The following SEPTIN9 variants were observed in gnomAD, a reference collection of about 807,000 sequenced individuals.
SEPTIN9 encodes the protein septin 9.
A neutral mutation model predicts 56.6 loss-of-function variants in SEPTIN9; 13 were observed. The observed-to-expected ratio is 0.23, with a 90% CI of 0.15 to 0.37. The LOEUF is 0.37. Among genes scored for constraint, SEPTIN9 ranks in the 10% least tolerant of loss-of-function variants. The pLI is 1.00. For synonymous variants in SEPTIN9, 332 were observed against 334.1 expected, an observed-to-expected ratio of 0.99 and a Z score of 0.07; for missense variants, 650 against 823.1, an observed-to-expected ratio of 0.79 and a Z score of 2.57.
At position 77,475,890 on chromosome 17, in the gene SEPTIN9, C is replaced by T; in HGVS notation, c.722-6254C>T. On this transcript the variant is annotated intron_variant, in intron 3 of 11. Coordinates refer to ENST00000427177, the MANE Select transcript of SEPTIN9 (RefSeq NM_001113491.2). The surrounding 1 kb of genome is among the most constrained non-coding windows in gnomAD (Gnocchi z 4.6). ...TTGCATTCTGCTTGGCCACCATTGG[C>T]AGTGACAGACAAGGTGTGTGGGGAT... The T allele has an allele frequency of 6.2e-7, 1 of 1,610,918 alleles. No homozygotes were observed. Among genetic ancestry groups the T allele is most frequent in the Non-Finnish European group, 8.5e-7 (1 of 1,177,976 alleles).
At chr17:77,461,491 G>A (rs991815011) in intron 3 of SEPTIN9, among the ~76,000 whole-genome samples, 1 of 152,122 alleles carries the variant, frequency 6.6e-6, no homozygotes. Context: ...GCTGGAGGCT[G>A]GGGACATCCG....
chr17:77,335,520 A>G (rs183069381), intron 2 of SEPTIN9, among the ~76,000 whole-genome samples: 62 of 139,122 alleles, frequency 4.5e-4, no homozygotes, highest in African/African-American at 1.4e-3. Flanking sequence ...ATGTAGTCCT[A>G]TATTAGTATA....
chr17:77,452,247 C>T (rs2038007024), intron 3 of SEPTIN9, among the ~76,000 whole-genome samples: 1 of 152,216 alleles, frequency 6.6e-6, no homozygotes, highest in South Asian at 2.1e-4. Flanking sequence ...ATCTCCCTAA[C>T]GGACCTGCTT....
At chr17:77,455,385 G>C (rs764130270) in intron 3 of SEPTIN9, among the ~76,000 whole-genome samples, 3 of 152,218 alleles carry the variant, frequency 2.0e-5, no homozygotes, top group Non-Finnish European at 2.9e-5. Context: ...TGTGCCCCCG[G>C]CAGGGCCTGC....
Position 77,313,736 on chromosome 17 carries a change from TC to T in SEPTIN9, c.76+6540del, listed in dbSNP as rs2032596739. Among the ~76,000 whole-genome samples the T allele has an allele frequency of 6.6e-6, 1 of 152,126 alleles. No individual in the cohort carries two copies. Among genetic ancestry groups the T allele is most frequent in the Non-Finnish European group, 1.5e-5 (1 of 68,018 alleles). ...AATGAATGGAAAAGTCTTTTTTTTT[TC>T]TTTTTTCTTTCTAGGCAGGGTCTTT... On this transcript the variant is annotated intron_variant, in intron 2 of 11. Coordinates refer to ENST00000427177, the MANE Select transcript of SEPTIN9 (RefSeq NM_001113491.2). The surrounding 1 kb of genome is among the most constrained non-coding windows in gnomAD (Gnocchi z 4.5).
rs1329057262 is a variant in SEPTIN9, at chr17:77,453,276, T to C, written c.722-28868T>C. Among the ~76,000 whole-genome samples the C allele has an allele frequency of 1.3e-5, 2 of 152,136 alleles. No individual in the cohort carries two copies. Among genetic ancestry groups the C allele is most frequent in the African/African-American group, 2.4e-5 (1 of 41,420 alleles). On this transcript the variant is annotated intron_variant, in intron 3 of 11. Transcript: ENST00000427177. This position sits in a 1 kb window ranked among gnomAD's most constrained non-coding sequence, Gnocchi z 4.4. Reference sequence around the variant, plus strand: ...GGGGCATAGTTGCAGGCAGAAGCCATCAAGCACTGTGGTCAGACCAGCATT... The same window carrying C: ...GGGGCATAGTTGCAGGCAGAAGCCACCAAGCACTGTGGTCAGACCAGCATT...
intron 1 of SEPTIN9, chr17:77,288,174 T>C: frequency 9.4e-7 from 1 of 1,058,298 alleles, no homozygotes; most frequent in Non-Finnish European, 1.1e-6. Flanking sequence ...GAGTGTCATC[T>C]TTTCTCAATG....
In SEPTIN9 at chr17:77,475,193, ACCCT is replaced by A; in HGVS notation, c.722-6950_722-6947del. The A allele has an allele frequency of 8.3e-7, 1 of 1,200,514 alleles. No homozygotes were observed. Among genetic ancestry groups the A allele is most frequent in the Non-Finnish European group, 1.0e-6 (1 of 961,520 alleles). The allele number at this position is 1,200,514 out of a possible 1,614,324, so 74.4% of individuals were successfully genotyped here. A position where few individuals can be genotyped will look rare whatever the true frequency, so the allele number is the denominator to read the frequency against. On this transcript the variant is annotated intron_variant, in intron 3 of 11. Coordinates refer to ENST00000427177, the MANE Select transcript of SEPTIN9 (RefSeq NM_001113491.2). This position sits in a 1 kb window ranked among gnomAD's most constrained non-coding sequence, Gnocchi z 4.6. Reference sequence around the variant, plus strand: ...ATGGATGAGGTGTCTGGCTTCACAAACCCTGTGTGGGGGGGTTGTGGTGAGAGGA... The same window carrying A: ...ATGGATGAGGTGTCTGGCTTCACAAAGTGTGGGGGGGTTGTGGTGAGAGGA...
chr17:77,377,930 C>T, intron 2 of SEPTIN9, among the ~76,000 whole-genome samples: 1 of 152,146 alleles, frequency 6.6e-6, no homozygotes, highest in East Asian at 1.9e-4. Context: ...TGGGGGCAGG[C>T]CTCTTACACG....
rs1180390170 is a variant in SEPTIN9, at chr17:77,435,609, ATG to A, written c.721+32908_721+32909del. Among the ~76,000 whole-genome samples, 2 of 152,190 alleles carry A rather than the reference ATG, an allele frequency of 1.3e-5. No homozygotes were observed. The highest frequency in any genetic ancestry group is 2.9e-5 in the Non-Finnish European group (2 of 68,016). The stretch of plus-strand genomic sequence containing the variant: ...TCATCAGCACAGCCCAGTCTCACAC[ATG>A]TCACTCCCAAAGGATGTTGACACAG... On this transcript the variant is annotated intron_variant, in intron 3 of 11. Transcript: ENST00000427177. The surrounding 1 kb of genome is among the most constrained non-coding windows in gnomAD (Gnocchi z 4.5).
At position 77,307,380 on chromosome 17, in the gene SEPTIN9, C is replaced by T. The variant is rs560613370; in HGVS notation, c.76+183C>T. ...GGACTCAGGTGGCTTCCAGGCCTGT[C>T]GACGCTGCCCTGCTGGAGATGATCC... On this transcript the variant is annotated intron_variant, in intron 2 of 11. Transcript: ENST00000427177. 1.5e-4 allele frequency among the ~76,000 whole-genome samples: 23 copies of T among 152,322 alleles called. No homozygotes were observed. The South Asian group carries it at 3.7e-3, about 25-fold the overall frequency.
intron 2 of SEPTIN9, among the ~76,000 whole-genome samples, chr17:77,345,868 A>G (rs535078478): frequency 6.6e-6 from 1 of 152,354 alleles, no homozygotes; most frequent in South Asian, 2.1e-4. Context: ...GGCAGGATGT[A>G]TGCAGAGTTA....
chr17:77,412,022 C>T (rs555610959), intron 3 of SEPTIN9, among the ~76,000 whole-genome samples: 6 of 150,682 alleles, frequency 4.0e-5, no homozygotes, highest in Non-Finnish European at 7.4e-5. Flanking sequence ...CCCAGTTACT[C>T]AGGAGGCTAA....
At chr17:77,432,957 G>GGTA (rs1269733115) in intron 3 of SEPTIN9, among the ~76,000 whole-genome samples, 1 of 152,174 alleles carries the variant, frequency 6.6e-6, no homozygotes, top group Non-Finnish European at 1.5e-5. Flanking sequence ...GCTGGGGGTG[G>GGTA]GTAGTGGTGT....
intron 3 of SEPTIN9, among the ~76,000 whole-genome samples, chr17:77,478,100 G>T (rs1404674034): frequency 6.6e-6 from 1 of 152,094 alleles, no homozygotes; most frequent in Non-Finnish European, 1.5e-5. Context: ...TCTTGTGCTG[G>T]CCTGGCCACT....
intron 3 of SEPTIN9, chr17:77,427,126 T>A (rs2036944188): frequency 6.6e-6 from 1 of 152,166 alleles, no homozygotes; most frequent in Non-Finnish European, 1.5e-5. Context: ...CGTGAGTCCT[T>A]GGGGGAGGCT....
chr17:77,328,725 T>C (rs1414212121), intron 2 of SEPTIN9, among the ~76,000 whole-genome samples: 1 of 152,174 alleles, frequency 6.6e-6, no homozygotes, highest in Non-Finnish European at 1.5e-5. Context: ...GTGCTTGGCC[T>C]GTAATGAGGA....
At chr17:77,431,008 G>C (rs1473539076) in intron 3 of SEPTIN9, among the ~76,000 whole-genome samples, 3 of 150,566 alleles carry the variant, frequency 2.0e-5, no homozygotes, top group African/African-American at 7.4e-5. Context: ...AAAAAAAGAA[G>C]AAGAACAAGA....
At chr17:77,479,197 C>T (rs2039346349) in intron 3 of SEPTIN9, among the ~76,000 whole-genome samples, 1 of 152,256 alleles carries the variant, frequency 6.6e-6, no homozygotes, top group Admixed American at 6.5e-5. Context: ...TGGCCAGTGG[C>T]TACCACGCTG....
Sources: allele counts gnomAD v4.1 joint callset (sites outside exome capture counted in the v4.1 genomes callset), GRCh38; gene constraint gnomAD v4.1.1; non-coding constraint Gnocchi (gnomAD v3.1); transcripts MANE v1.5; gene names NCBI Gene and HGNC (gene_info 2026-07-23, HGNC 2026-07-21).